CDCP2: variants seen among roughly 807,000 people sequenced by gnomAD.
CDCP2 encodes the protein CUB domain-containing protein 2.
CDCP2 carries 31 observed loss-of-function variants against 31.0 expected under a neutral mutation model. The observed-to-expected ratio is 1.00, with a 90% CI of 0.75 to 1.35. The LOEUF (loss-of-function observed/expected upper bound fraction) is 1.35. Among genes scored for constraint, CDCP2 ranks in the 40% most tolerant of loss-of-function variants. CDCP2 has a pLI of 0.00. For synonymous variants in CDCP2, 206 were observed against 207.9 expected (o/e 0.99, Z 0.08); for missense variants, 443 against 482.6 (o/e 0.92, Z 0.77).
intron 4 of CDCP2, chr1:54,137,692 T>TGTGTGTGTGTGTGTGTGTGTGCGC (rs60839953): frequency 2.7e-5 from 4 of 146,196 alleles, no homozygotes; most frequent in African/African-American, 1.0e-4. Context: ...TGCGTGTGTG[T>TGTGTGTGTGTGTGTGTGTGTGCGC]GTGTGTGTGT....
intron 3 of CDCP2, chr1:54,140,854 G>T (rs1659355084): frequency 5.1e-6 from 2 of 395,650 alleles, no homozygotes; most frequent in Non-Finnish European, 9.0e-6. Context: ...TTAGATCATA[G>T]TGTAAAAAAC....
chr1:54,140,258 C>T, intron 3 of CDCP2, 152 bp from the exon 4 acceptor site: 1 of 650,372 alleles, frequency 1.5e-6, no homozygotes, highest in Non-Finnish European at 2.7e-6. Flanking sequence ...ACAATTGATC[C>T]CAACTATCTG....
At chr1:54,142,446 G>A (rs1571540) in intron 2 of CDCP2, 43,304 of 152,174 alleles carry the variant, frequency 0.28, 6,287 homozygotes, top group East Asian at 0.41. Flanking sequence ...TTGATCCACT[G>A]GGCTCAGACT....
At chr1:54,138,791 T>A (rs1659303638) in intron 4 of CDCP2, 1 of 152,278 alleles carries the variant, frequency 6.6e-6, no homozygotes, top group Non-Finnish European at 1.5e-5. Flanking sequence ...TGCCACTGAC[T>A]CCCTATGTGG....
At chr1:54,144,667 C>G in exon 2 of CDCP2, 1 of 1,614,196 alleles carries the variant, frequency 6.2e-7, no homozygotes, top group Middle Eastern at 1.6e-4. Context: ...TACTCTAGGT[C>G]AAAGGCATGG....
intron 4 of CDCP2, 36 bp downstream of exon 4, chr1:54,139,717 C>T (rs768204684): frequency 3.7e-5 from 59 of 1,614,050 alleles, no homozygotes; most frequent in Non-Finnish European, 4.5e-5. Context: ...GCCTCCCCTT[C>T]GCCCTCAGTG....
chr1:54,134,557 T>C (rs1245273691), intron 5 of CDCP2, among the ~76,000 whole-genome samples: 1 of 152,162 alleles, frequency 6.6e-6, no homozygotes, highest in African/African-American at 2.4e-5. Flanking sequence ...ACTGGCCCCA[T>C]CTAGCAAGTA....
exon 4 of CDCP2, chr1:54,139,973 G>A: frequency 6.2e-7 from 1 of 1,614,184 alleles, no homozygotes; most frequent in Non-Finnish European, 8.5e-7. Context: ...CCAGGTCCAG[G>A]AAGAACACCT....
At chr1:54,133,391 C>T (rs1191412113) in intron 5 of CDCP2, 97 bp from the exon 6 acceptor site, 6 of 397,688 alleles carry the variant, frequency 1.5e-5, no homozygotes, top group East Asian at 3.6e-5. Flanking sequence ...GGGCAGAGCC[C>T]GAGGAGCCTG....
chr1:54,133,913 C>CAAACAAACAAAAAAAAAAAA (rs748829165), intron 5 of CDCP2, among the ~76,000 whole-genome samples: 2 of 144,786 alleles, frequency 1.4e-5, no homozygotes, highest in African/African-American at 2.6e-5. Flanking sequence ...AACAAACAAA[C>CAAACAAACAAAAAAAAAAAA]AAAAAAAACC....
chr1:54,138,426 G>A (rs1036657308), intron 4 of CDCP2: 8 of 152,368 alleles, frequency 5.3e-5, no homozygotes, highest in African/African-American at 1.4e-4. Context: ...CCAAGTTCAC[G>A]GCTCTGCCGC....
intron 1 of CDCP2, among the ~76,000 whole-genome samples, chr1:54,151,217 GA>G (rs1659578835): frequency 6.6e-6 from 1 of 152,210 alleles, no homozygotes; most frequent in African/African-American, 2.4e-5. Flanking sequence ...GTGACATGGG[GA>G]TAGTGGTGCC....
chr1:54,137,548 A>T lies in CDCP2; in HGVS notation c.1118-740T>A, dbSNP rs1659277294. Among the ~76,000 whole-genome samples, 6 of 152,192 alleles carry T rather than the reference A, an allele frequency of 3.9e-5. No homozygotes were observed. The South Asian group carries it at 1.2e-3, about 32-fold the overall frequency. ...GAGATGAAGTTGTTTGCAGTGGCCA[A>T]CCGGGTCGACAGGATTTCAGAGTTC... is the stretch of plus-strand genomic sequence containing the variant. On this transcript the variant is annotated intron_variant, in intron 4 of 5. Coordinates refer to ENST00000530059, the Ensembl canonical transcript of CDCP2.
intron 4 of CDCP2, among the ~76,000 whole-genome samples, chr1:54,137,410 A>C (rs1659276116): frequency 6.6e-6 from 1 of 152,062 alleles, no homozygotes; most frequent in South Asian, 2.1e-4. Context: ...GAGGAAGGAG[A>C]GCTTCAGTTT....
At chr1:54,148,970 A>T (rs887150902) in intron 1 of CDCP2, among the ~76,000 whole-genome samples, 57 of 122,046 alleles carry the variant, frequency 4.7e-4, no homozygotes, top group East Asian at 9.8e-4. Flanking sequence ...TTGTTTAAAA[A>T]AAAAATATAT....
chr1:54,139,645 T>TGG (rs3841798), intron 4 of CDCP2, 108 bp downstream of exon 4: 198,982 of 1,530,242 alleles, frequency 0.13, 10,485 homozygotes, highest in East Asian at 0.35. Context: ...AGACCATTCA[T>TGG]GGGGGGGGCA....
At chr1:54,140,344 C>T (rs1232961090) in intron 3 of CDCP2, 10 of 573,396 alleles carry the variant, frequency 1.7e-5, no homozygotes, top group African/African-American at 5.6e-5. Context: ...TTCCAGTTGA[C>T]AGTCCCCTTC....
chr1:54,144,929 G>C, intron 1 of CDCP2, 116 bp from the exon 2 acceptor site: 2 of 692,920 alleles, frequency 2.9e-6, no homozygotes, highest in South Asian at 3.9e-5. Flanking sequence ...GGGAACACAT[G>C]GCCATGTGTT....
At chr1:54,146,712 A>G (rs940848034) in intron 1 of CDCP2, among the ~76,000 whole-genome samples, 6 of 151,838 alleles carry the variant, frequency 4.0e-5, no homozygotes, top group African/African-American at 1.5e-4. Context: ...ACCAGGTTTA[A>G]TACAGGAAAT....
Sources: gnomAD v4.1 joint callset for allele counts (sites outside exome capture counted in the v4.1 genomes callset) on GRCh38, gnomAD v4.1.1 for gene constraint, MANE v1.5 for transcripts, NCBI Gene and HGNC (gene_info 2026-07-23, HGNC 2026-07-21) for gene names.